Variants in LAMA1 observed in about 807,000 individuals in gnomAD.
LAMA1 encodes laminin subunit alpha-1.
In LAMA1, 219 loss-of-function variants were observed where a neutral mutation model predicts 348.7. That is an observed-to-expected ratio of 0.63 (90% CI 0.56 to 0.70). The LOEUF (loss-of-function observed/expected upper bound fraction) is 0.70. LAMA1 is among the 30% of genes least tolerant of loss of function. The pLI is 0.00. For synonymous variants in LAMA1, 1,487 were observed against 1,491.0 expected, an observed-to-expected ratio of 1.00 and a Z score of 0.06; for missense variants, 3,744 against 3,888.0, an observed-to-expected ratio of 0.96 and a Z score of 0.99.
chr18:6,983,518 A>C (rs1266834589), intron 39 of LAMA1, among the ~76,000 whole-genome samples: 1 of 152,072 alleles, frequency 6.6e-6, no homozygotes, highest in Non-Finnish European at 1.5e-5. Flanking sequence ...ATCACTTTCC[A>C]CCAGCTGCCC....
intron 28 of LAMA1, 95 bp from the exon 29 acceptor site, chr18:7,007,371 C>A: frequency 8.0e-7 from 1 of 1,256,574 alleles, no homozygotes; most frequent in Non-Finnish European, 1.1e-6. Context: ...TACAAATGGC[C>A]AACAGGTATG....
At position 7,025,325 on chromosome 18, in the gene LAMA1, A is replaced by T. The variant is rs559629772; in HGVS notation, c.2402+654T>A. Reference sequence around the variant, plus strand: ...CTCCATCTGCCTAGAACGCCCGTCTATGCTGCCTGTGAAACTCCTTCTCCT... The same window carrying T: ...CTCCATCTGCCTAGAACGCCCGTCTTTGCTGCCTGTGAAACTCCTTCTCCT... On this transcript the variant is annotated intron_variant, in intron 17 of 62. Coordinates refer to ENST00000389658, the MANE Select transcript of LAMA1 (RefSeq NM_005559.4). Among the ~76,000 whole-genome samples, 10 of 152,268 alleles carry T rather than the reference A, an allele frequency of 6.6e-5. No homozygotes were observed. In the South Asian group the frequency reaches 1.9e-3, roughly 28 times the overall value.
At position 7,024,406 on chromosome 18, in the gene LAMA1, C is replaced by T. The variant is rs201917302; in HGVS notation, c.2463G>A (p.Pro821=). Residue 821 remains proline, a synonymous_variant, in exon 18 of 63, where the codon CCG becomes CCA. Transcript: ENST00000389658. ...TCTCACACCAAGCTCCTGAGTAGCC[C>T]GGGGCACACCAGTCACAGACCACTT... ...GDEVVCDWCA[P]GYSGAWCERC... 23 of 1,614,044 alleles carry T rather than the reference C, an allele frequency of 1.4e-5. No individual in the cohort carries two copies. Among genetic ancestry groups the T allele is most frequent in the Admixed American group, 1.0e-4 (6 of 60,004 alleles).
At chr18:7,003,890 G>A (rs2057820009) in intron 29 of LAMA1, among the ~76,000 whole-genome samples, 1 of 152,014 alleles carries the variant, frequency 6.6e-6, no homozygotes, top group Admixed American at 6.6e-5. Context: ...CCCTGATGAG[G>A]ATAAATTTTA....
chr18:7,056,743 T>C (rs1191736188), intron 3 of LAMA1, among the ~76,000 whole-genome samples: 1 of 152,154 alleles, frequency 6.6e-6, no homozygotes, highest in Non-Finnish European at 1.5e-5. Flanking sequence ...GCTCTTCCAG[T>C]TATTCTGTTA....
rs758995991 is a variant in LAMA1 at position 7,080,319 on chromosome 18, C to A, written c.200G>T (p.Arg67Leu). The change falls in exon 2 of 63, where the codon CGG becomes CTG. Residue 67 changes from arginine (R) to leucine (L), a missense_variant. By Grantham distance (102) the Arg-to-Leu change is moderately radical (BLOSUM62 -2). Around this residue, in one of 3 missense-constraint regions of LAMA1, gnomAD observed 1,529 missense variants for 1,689.4 expected, o/e 0.91. Transcript: ENST00000389658. Reference sequence around the variant, plus strand: ...GTTTGCGCTGTTGCCATCACAGATCCGGCACTGTGGGTTTCGGACGGGCCG... The same window carrying A: ...GTTTGCGCTGTTGCCATCACAGATCAGGCACTGTGGGTTTCGGACGGGCCG... ...PGRPVRNPQC[R>L]ICDGNSANPR... 1 of 1,614,102 alleles carries A rather than the reference C, an allele frequency of 6.2e-7. No individual in the cohort carries two copies. Among genetic ancestry groups the A allele is most frequent in the Non-Finnish European group, 8.5e-7 (1 of 1,180,046 alleles).
rs2144076877 is a variant in LAMA1, at chr18:6,993,859, CAT to C, written c.4897-109_4897-108del. The C allele has an allele frequency of 5.3e-6, 4 of 750,298 alleles. No homozygotes were observed. In the South Asian group the frequency reaches 5.6e-5, roughly 11 times the overall value. 46.5% of individuals were successfully genotyped at this position (750,298 alleles called of 1,614,324 possible). Reference sequence around the variant, plus strand: ...CACTGTTGCCGCTTATAAGCAACAACATATATTCCAGAATATAGAGTAAAGAT... The same window carrying C: ...CACTGTTGCCGCTTATAAGCAACAACATATTCCAGAATATAGAGTAAAGAT... On this transcript the variant is annotated intron_variant, in intron 34 of 62. Coordinates refer to ENST00000389658, the MANE Select transcript of LAMA1 (RefSeq NM_005559.4).
chr18:7,067,217 T>C (rs758563277), intron 3 of LAMA1, among the ~76,000 whole-genome samples: 10 of 150,334 alleles, frequency 6.7e-5, no homozygotes, highest in Non-Finnish European at 1.5e-4. Flanking sequence ...GAGCCCAGGA[T>C]TGCTTTGCTT....
chr18:7,023,912 C>G (rs1462822402), intron 18 of LAMA1, among the ~76,000 whole-genome samples: 2 of 152,206 alleles, frequency 1.3e-5, no homozygotes, highest in African/African-American at 4.8e-5. Context: ...AATCTCCACT[C>G]ACTGCAACCT....
chr18:7,058,748 C>T (rs1000947176), intron 3 of LAMA1, among the ~76,000 whole-genome samples: 11 of 152,218 alleles, frequency 7.2e-5, no homozygotes, highest in African/African-American at 2.7e-4. Context: ...ACATTAATGT[C>T]TCTTGCTTAA....
At chr18:6,946,766 G>C (rs932678027) in intron 61 of LAMA1, among the ~76,000 whole-genome samples, 1 of 152,050 alleles carries the variant, frequency 6.6e-6, no homozygotes, top group Non-Finnish European at 1.5e-5. Flanking sequence ...ACCTGGGTCT[G>C]GGTGAATGGT....
At chr18:6,970,832 C>T (rs1019805688) in intron 48 of LAMA1, among the ~76,000 whole-genome samples, 2 of 152,086 alleles carry the variant, frequency 1.3e-5, no homozygotes, top group African/African-American at 4.8e-5. Context: ...AGGCTGGTAT[C>T]GAACTCCTAA....
intron 3 of LAMA1, among the ~76,000 whole-genome samples, chr18:7,059,043 C>T (rs1422786028): frequency 2.0e-5 from 3 of 152,154 alleles, no homozygotes; most frequent in Non-Finnish European, 4.4e-5. Context: ...GCACCTGCCA[C>T]CATGCCCAAC....
chr18:7,046,923 T>C (rs1470334619), intron 5 of LAMA1, among the ~76,000 whole-genome samples: 1 of 152,246 alleles, frequency 6.6e-6, no homozygotes, highest in African/African-American at 2.4e-5. Flanking sequence ...ATTGATTTTG[T>C]ATACTGCAAC....
chr18:7,009,296 C>T lies in LAMA1; in HGVS notation c.3944G>A (p.Ser1315Asn), dbSNP rs1248872312. 1.2e-6 allele frequency: 2 copies of T among 1,613,472 alleles called. No individual in the cohort carries two copies. The highest frequency in any genetic ancestry group is 1.3e-5 in the African/African-American group (1 of 74,886). Residue 1315 changes from serine (S) to asparagine (N), a missense_variant, in exon 27 of 63, where the codon AGC becomes AAC. By Grantham distance (46) the Ser-to-Asn change is conservative (BLOSUM62 1). Around this residue, in one of 3 missense-constraint regions of LAMA1, gnomAD observed 1,983 missense variants for 1,934.3 expected, o/e 1.03. Coordinates refer to ENST00000389658, the MANE Select transcript of LAMA1 (RefSeq NM_005559.4). Reference sequence around the variant, plus strand: ...CTTGATGAGGATGTACTCAATATCGCTGAGGACAGACATAAAATCCTCTCG... The same window carrying T: ...CTTGATGAGGATGTACTCAATATCGTTGAGGACAGACATAAAATCCTCTCG... The part of the protein sequence containing the change: ...VTREDFMSVL[S>N]DIEYILIKAS...
intron 45 of LAMA1, 69 bp downstream of exon 45, chr18:6,975,857 TCGTCAAATAAG>T (rs1555646526): frequency 3.8e-6 from 6 of 1,563,414 alleles, no homozygotes; most frequent in Admixed American, 3.4e-5. Context: ...TATTTTTTTT[TCGTCAAATAAG>T]TGAAAATTCA....
rs1162430451 is a variant in LAMA1, at chr18:7,078,327, C to T, written c.345+1648G>A. On this transcript the variant is annotated intron_variant, in intron 3 of 62. Transcript: ENST00000389658. The stretch of plus-strand genomic sequence containing the variant: ...GACTACAGGCGCCTGCCACCACGCC[C>T]AGCTAATTTTTTGTATTTTTAGTAA... Among the ~76,000 whole-genome samples, 5 of 151,198 alleles carry T rather than the reference C, an allele frequency of 3.3e-5. No homozygotes were observed. In the East Asian group the frequency reaches 1.0e-3, roughly 31 times the overall value.
intron 16 of LAMA1, among the ~76,000 whole-genome samples, chr18:7,030,133 C>A (rs1368033187): frequency 6.6e-6 from 1 of 152,132 alleles, no homozygotes; most frequent in Admixed American, 6.5e-5. Context: ...AAAAACCTAG[C>A]AGACATCACC....
intron 13 of LAMA1, 131 bp from the exon 14 acceptor site, chr18:7,034,821 GT>G (rs2057987194): frequency 1.4e-6 from 1 of 738,046 alleles, no homozygotes; most frequent in African/African-American, 1.7e-5. Flanking sequence ...ACGTGTAATG[GT>G]GTGTACAGCT....
Sources: allele counts gnomAD v4.1 joint callset (sites outside exome capture counted in the v4.1 genomes callset), GRCh38; gene constraint gnomAD v4.1.1; regional missense constraint gnomAD v4.1.1; transcripts MANE v1.5; gene names NCBI Gene and HGNC (gene_info 2026-07-23, HGNC 2026-07-21).